DNAH1: variants seen among roughly 807,000 people sequenced by gnomAD.
The protein encoded by DNAH1 is axonemal beta dynein heavy chain 1.
A neutral mutation model predicts 484.3 loss-of-function variants in DNAH1; 327 were observed. The observed-to-expected ratio is 0.68, with a 90% CI of 0.62 to 0.74. The LOEUF (loss-of-function observed/expected upper bound fraction) is 0.74, where lower values mean the gene tolerates loss of function less well. Among genes scored for constraint, DNAH1 ranks in the 30% least tolerant of loss-of-function variants. DNAH1 has a pLI of 0.00. For missense variants in DNAH1, 5,052 were observed against 5,546.8 expected, an observed-to-expected ratio of 0.91 and a Z score of 2.83; for synonymous variants, 2,192 against 2,191.9, an observed-to-expected ratio of 1.00 and a Z score of 0.00.
Position 52,368,980 on chromosome 3 carries a change from C to CA in DNAH1, c.5943+63dup. Reference sequence around the variant, plus strand: ...GGCTGGGTGGGCCTGGAGGCTGCATCATGCTGGCCAAACTCTGCCCCCTCA... The same window carrying CA: ...GGCTGGGTGGGCCTGGAGGCTGCATCAATGCTGGCCAAACTCTGCCCCCTCA... On this transcript the variant is annotated intron_variant, in intron 37 of 77. Transcript: ENST00000420323. This position sits in a 1 kb window ranked among gnomAD's most constrained non-coding sequence, Gnocchi z 4.4. The CA allele has an allele frequency of 6.3e-7, 1 of 1,575,124 alleles. No individual in the cohort carries two copies. Among genetic ancestry groups the CA allele is most frequent in the East Asian group, 2.3e-5 (1 of 44,136 alleles).
intron 1 of DNAH1, among the ~76,000 whole-genome samples, chr3:52,321,187 G>A (rs952889718): frequency 6.6e-5 from 10 of 151,270 alleles, no homozygotes; most frequent in African/African-American, 2.4e-4. Flanking sequence ...CGCGATCTGA[G>A]TTCACTGTAA....
chr3:52,343,380 C>T (rs1255034055), intron 8 of DNAH1, among the ~76,000 whole-genome samples: 1 of 151,998 alleles, frequency 6.6e-6, no homozygotes, highest in East Asian at 1.9e-4. Flanking sequence ...GCCTTCTACC[C>T]TGGCAGAAGG....
At position 52,358,643 on chromosome 3, in the gene DNAH1, C is replaced by A. The variant is rs1225932060; in HGVS notation, c.4172C>A (p.Ser1391Tyr). 5 of 1,613,232 alleles carry A rather than the reference C, an allele frequency of 3.1e-6. No individual in the cohort carries two copies. Among genetic ancestry groups the A allele is most frequent in the Non-Finnish European group, 4.2e-6 (5 of 1,179,794 alleles). ...EVQLCFSIYPSSNVEDWLREV... is the reference protein window; with the variant it reads ...EVQLCFSIYPYSNVEDWLREV... ...CAGTTGTGCTTCTCCATCTACCCCT[C>A]CAGCAACGTGGAGGACTGGCTGCGG... The change falls in exon 25 of 78, where the codon TCC (serine) becomes TAC (tyrosine). Residue 1391 changes from serine (S) to tyrosine (Y), a missense_variant. Ser to Tyr is a moderately radical substitution (Grantham distance 144). Around this residue, in one of 4 missense-constraint regions of DNAH1, gnomAD observed 2,929 missense variants for 3,409.4 expected, o/e 0.86. Coordinates refer to ENST00000420323, the MANE Select transcript of DNAH1 (RefSeq NM_015512.5). The surrounding 1 kb of genome is among the most constrained non-coding windows in gnomAD (Gnocchi z 4.2).
In DNAH1 at chr3:52,360,064, G is replaced by A; in HGVS notation, c.4556G>A (p.Trp1519Ter). ...ENVVSVNDFQ[W>*]ISQLRYYWTN... ...GTGGTCAGCGTGAATGACTTCCAGT[G>A]GATCTCACAGCTGAGGTGAGGACAT... Residue 1519 changes from tryptophan (W) to a stop codon, truncating the protein, a stop_gained, in exon 27 of 78, where the codon TGG becomes TAG. Coordinates refer to ENST00000420323, the MANE Select transcript of DNAH1 (RefSeq NM_015512.5). LOFTEE classifies it high-confidence loss of function. 1 of 1,613,888 alleles carries A rather than the reference G, an allele frequency of 6.2e-7. No individual in the cohort carries two copies. Among genetic ancestry groups the A allele is most frequent in the Non-Finnish European group, 8.5e-7 (1 of 1,179,900 alleles).
intron 1 of DNAH1, among the ~76,000 whole-genome samples, chr3:52,319,142 G>C (rs1701054278): frequency 6.6e-6 from 1 of 152,208 alleles, no homozygotes; most frequent in African/African-American, 2.4e-5. Flanking sequence ...CTGGGCCCTA[G>C]TTTCCTCAGC....
intron 60 of DNAH1, 78 bp from the exon 61 acceptor site, chr3:52,390,857 G>A (rs142253252): frequency 2.2e-5 from 34 of 1,540,760 alleles, no homozygotes; most frequent in Middle Eastern, 2.1e-4. Flanking sequence ...CGAAACACGA[G>A]GCCGGGAGAT....
Position 52,398,873 on chromosome 3 carries a change from TCA to T in DNAH1, c.12118_12119del (p.Gln4040AspfsTer33), listed in dbSNP as rs1436330627. 1.3e-6 allele frequency: 2 copies of T among 1,560,292 alleles called. No homozygotes were observed. Among genetic ancestry groups the T allele is most frequent in the East Asian group, 2.3e-5 (1 of 44,152 alleles). The stretch of plus-strand genomic sequence containing the variant: ...AGGTACAATCGGCTGCTGCAGGTGA[TCA>T]CACAGACACTGCAAGACCTACTCAA... On this transcript the variant is annotated frameshift_variant, in exon 76 of 78. Transcript: ENST00000420323. LOFTEE classifies it high-confidence loss of function.
rs752033602 is a variant in DNAH1, at chr3:52,393,390, A to G, written c.10531A>G (p.Ser3511Gly). Reference sequence around the variant, plus strand: ...CCGCTACCTGACCTACAGCCTCTACAGCAACGTCTGCCGCAGCCTCTTTGA... The same window carrying G: ...CCGCTACCTGACCTACAGCCTCTACGGCAACGTCTGCCGCAGCCTCTTTGA... Reference protein sequence around the residue: ...INRYLTYSLYSNVCRSLFEKH... With the variant: ...INRYLTYSLYGNVCRSLFEKH... Residue 3511 changes from serine (S) to glycine (G), a missense_variant, in exon 66 of 78, where the codon AGC becomes GGC. Physicochemically the swap from Ser to Gly is moderately conservative, Grantham distance 56. This residue lies in a region of DNAH1 where 2,929 missense variants were observed against 3,409.4 expected (regional missense o/e 0.86). Transcript: ENST00000420323. The G allele has an allele frequency of 4.3e-6, 7 of 1,613,884 alleles. No individual in the cohort carries two copies. The highest frequency in any genetic ancestry group is 1.6e-4 in the Middle Eastern group (1 of 6,084).
chr3:52,365,834 G>GC (rs1189081158), intron 34 of DNAH1, among the ~76,000 whole-genome samples: 2 of 152,128 alleles, frequency 1.3e-5, no homozygotes, highest in Non-Finnish European at 2.9e-5. Context: ...GTCACCTCCT[G>GC]CACCCCCGAC....
At chr3:52,349,509 C>G in intron 14 of DNAH1, 89 bp downstream of exon 14, 1 of 1,279,818 alleles carries the variant, frequency 7.8e-7, no homozygotes, top group South Asian at 1.3e-5. Context: ...CAAGATGTCC[C>G]CAAGCAGGGT....
rs1482813808 is a variant in DNAH1 at position 52,385,385 on chromosome 3, A to G, written c.8563A>G (p.Ser2855Gly). The G allele has an allele frequency of 1.9e-6, 3 of 1,552,874 alleles. No homozygotes were observed. Among genetic ancestry groups the G allele is most frequent in the South Asian group, 1.2e-5 (1 of 84,110 alleles). ...DVAKMQEDLE[S>G]MHPLLEEAAK... is the part of the protein sequence containing the mutation. ...AGCCAAGATGCAGGAGGACCTGGAG[A>G]GTATGCACCCCCTGCTGGAGGAGGC... is the stretch of plus-strand genomic sequence containing the variant. Residue 2855 changes from serine (S) to glycine (G), a missense_variant, in exon 54 of 78, where the codon AGT (serine) becomes GGT (glycine). Ser to Gly is a moderately conservative substitution (Grantham distance 56). Coordinates refer to ENST00000420323, the MANE Select transcript of DNAH1 (RefSeq NM_015512.5).
chr3:52,383,305 T>C, intron 50 of DNAH1, 81 bp from the exon 51 acceptor site: 1 of 1,261,252 alleles, frequency 7.9e-7, no homozygotes, highest in Non-Finnish European at 1.1e-6. Context: ...CAAATGGAGC[T>C]GTTGTGAAGG....
chr3:52,360,430 C>T lies in DNAH1; in HGVS notation c.4685+6C>T, dbSNP rs1429711189. On this transcript the variant is annotated splice_donor_region_variant and intron_variant, in intron 28 of 77. Coordinates refer to ENST00000420323, the MANE Select transcript of DNAH1 (RefSeq NM_015512.5). The stretch of plus-strand genomic sequence containing the variant: ...ATCACGCCCCTCACCGACAGGTAAG[C>T]GTTCCCCTCTTGCTCCTTCCCACAC... The T allele has an allele frequency of 2.5e-6, 4 of 1,609,994 alleles. No individual in the cohort carries two copies. The highest frequency in any genetic ancestry group is 2.2e-5 in the East Asian group (1 of 44,880).
rs368757042 is a variant in DNAH1, at chr3:52,397,847, A to G, written c.11928A>G (p.Ser3976=). ...CCATCATCCAGCTGCAACCCAAATC[A>G]TCTTCTGCAGGCAGCCAGGGCCGGG... is the stretch of plus-strand genomic sequence containing the variant. ...LGTIIQLQPK[S]SSAGSQGREE... Residue 3976 remains serine (S), a synonymous_variant, in exon 74 of 78, where the codon TCA becomes TCG. Coordinates refer to ENST00000420323, the MANE Select transcript of DNAH1 (RefSeq NM_015512.5). 1 of 1,610,002 alleles carries G rather than the reference A, an allele frequency of 6.2e-7. No homozygotes were observed. Among genetic ancestry groups the G allele is most frequent in the African/African-American group, 1.3e-5 (1 of 74,806 alleles).
chr3:52,398,002 T>C, intron 74 of DNAH1, 30 bp from the exon 75 acceptor site: 1 of 1,607,548 alleles, frequency 6.2e-7, no homozygotes, highest in Non-Finnish European at 8.5e-7. Flanking sequence ...GGCCCAGCCT[T>C]GACCCCACAG....
intron 21 of DNAH1, among the ~76,000 whole-genome samples, chr3:52,356,380 C>T (rs760345943): frequency 2.0e-4 from 31 of 152,180 alleles, no homozygotes; most frequent in Non-Finnish European, 4.0e-4. Flanking sequence ...GAGGCTTGGG[C>T]GTCCTGTGGG....
chr3:52,395,566 T>C lies in DNAH1; in HGVS notation c.11147T>C (p.Met3716Thr). ...CTGCAGGGCCCTCGGGCAGAAGCCA[T>C]GATGCGCAGCTCCATAGAGAGGGGC... ...GQGQGPRAEA[M>T]MRSSIERGKW... The change falls in exon 70 of 78, where the codon ATG becomes ACG. Residue 3716 changes from methionine to threonine, a missense_variant. Transcript: ENST00000420323. The surrounding 1 kb of genome is among the most constrained non-coding windows in gnomAD (Gnocchi z 4.4). 1 of 1,613,780 alleles carries C rather than the reference T, an allele frequency of 6.2e-7. No individual in the cohort carries two copies. Among genetic ancestry groups the C allele is most frequent in the Non-Finnish European group, 8.5e-7 (1 of 1,179,900 alleles).
Position 52,382,351 on chromosome 3 carries a change from T to C in DNAH1, c.7837T>C (p.Ser2613Pro), listed in dbSNP as rs371023667. The C allele has an allele frequency of 3.7e-6, 6 of 1,613,838 alleles. No individual in the cohort carries two copies. Among genetic ancestry groups the C allele is most frequent in the Non-Finnish European group, 5.1e-6 (6 of 1,179,896 alleles). ...AEYECFQIEL[S>P]KNYGMSEWRD... The stretch of plus-strand genomic sequence containing the variant: ...GTACGAGTGCTTCCAGATTGAACTA[T>C]CCAAGAACTACGGCATGTCCGAGTG... The change falls in exon 50 of 78, where the codon TCC becomes CCC. Residue 2613 changes from serine to proline, a missense_variant. By Grantham distance (74) the Ser-to-Pro change is moderately conservative. Around this residue, in one of 4 missense-constraint regions of DNAH1, gnomAD observed 2,929 missense variants for 3,409.4 expected, o/e 0.86. Transcript: ENST00000420323.
rs370224947 is a variant in DNAH1, at chr3:52,345,643, G to A, written c.1593G>A (p.Ser531=). The A allele has an allele frequency of 2.2e-5, 36 of 1,612,282 alleles. No individual in the cohort carries two copies. The highest frequency in any genetic ancestry group is 1.6e-4 in the Middle Eastern group (1 of 6,082). ...NKVTAMSLFH[S]SLSKYSHLEE... ...TGACCGCCATGTCCCTGTTCCACTC[G>A]AGCCTCTCCAAGTACAGCCACCTGG... is the stretch of plus-strand genomic sequence containing the variant. Residue 531 remains serine (S), a synonymous_variant, in exon 10 of 78, where the codon TCG becomes TCA. Transcript: ENST00000420323.
Sources: gnomAD v4.1 joint callset for allele counts (sites outside exome capture counted in the v4.1 genomes callset) on GRCh38, gnomAD v4.1.1 for gene constraint, gnomAD v4.1.1 regional missense constraint, Gnocchi (gnomAD v3.1) non-coding constraint, MANE v1.5 for transcripts, NCBI Gene and HGNC (gene_info 2026-07-23, HGNC 2026-07-21) for gene names.